CGNL1: variants seen among roughly 807,000 people sequenced by gnomAD.
The protein encoded by CGNL1 is cingulin-like protein 1.
CGNL1 carries 132 observed loss-of-function variants against 141.2 expected under a neutral mutation model. That is an observed-to-expected ratio of 0.93 (90% confidence interval 0.81 to 1.08). The LOEUF is 1.08. Ranked by LOEUF, CGNL1 falls within the 50% of genes least tolerant of loss-of-function variation. CGNL1 has a pLI of 0.00. For synonymous variants in CGNL1, 690 were observed against 622.1 expected, an observed-to-expected ratio of 1.11 and a Z score of -1.63; for missense variants, 1,870 against 1,588.6, an observed-to-expected ratio of 1.18 and a Z score of -3.01.
At chr15:57,523,299 A>G (rs561494358) in intron 10 of CGNL1, among the ~76,000 whole-genome samples, 190 bp from the exon 11 acceptor site, 2 of 152,266 alleles carry the variant, frequency 1.3e-5, no homozygotes, top group East Asian at 1.9e-4. Flanking sequence ...CAACTTTCCT[A>G]TTTGGTCCTT....
intron 8 of CGNL1, among the ~76,000 whole-genome samples, chr15:57,512,664 G>C (rs1325511277): frequency 6.6e-6 from 1 of 152,158 alleles, no homozygotes; most frequent in African/African-American, 2.4e-5. Context: ...ATTCAGTCCA[G>C]GTTCCCTTAT....
At chr15:57,415,050 G>T (rs373455523) in intron 1 of CGNL1, among the ~76,000 whole-genome samples, 1 of 152,326 alleles carries the variant, frequency 6.6e-6, no homozygotes, top group African/African-American at 2.4e-5. Context: ...TGGAACCCAT[G>T]GCAGGAGGCA....
intron 14 of CGNL1, 116 bp from the exon 15 acceptor site, chr15:57,543,579 GT>G (rs1336917217): frequency 1.2e-6 from 1 of 859,236 alleles, no homozygotes; most frequent in Non-Finnish European, 1.9e-6. Flanking sequence ...GAGGGGCTGG[GT>G]AGGGCAACCC....
chr15:57,400,143 A>G (rs1263608342), intron 1 of CGNL1, among the ~76,000 whole-genome samples: 1 of 151,968 alleles, frequency 6.6e-6, no homozygotes, highest in East Asian at 1.9e-4. Flanking sequence ...AGAGATGTGC[A>G]CCATCATGCC....
rs1326213106 is a variant in CGNL1, at chr15:57,468,576, G to C, written c.2403+6684G>C. 4.9e-5 allele frequency among the ~76,000 whole-genome samples: 6 copies of C among 122,416 alleles called. No homozygotes were observed. The Admixed American group carries it at 4.9e-4, about 10-fold the overall frequency. The allele number at this position is 122,416 out of a possible 152,430, so 80.3% of individuals were successfully genotyped here. On this transcript the variant is annotated intron_variant, in intron 8 of 18. Coordinates refer to ENST00000281282, the MANE Select transcript of CGNL1 (RefSeq NM_032866.5). ...AAAGTTTGCGTGTGTGTGTGTGTGT[G>C]TGTGTGTGTGTGTGTTAAAGAATAA...
intron 4 of CGNL1, 48 bp from the exon 5 acceptor site, chr15:57,451,452 A>C: frequency 7.5e-7 from 1 of 1,333,906 alleles, no homozygotes; most frequent in South Asian, 1.2e-5. Flanking sequence ...TAATTAAAAT[A>C]AAGCACCCTG....
intron 1 of CGNL1, among the ~76,000 whole-genome samples, chr15:57,385,925 C>G (rs1440870464): frequency 1.3e-5 from 2 of 152,230 alleles, no homozygotes; most frequent in Non-Finnish European, 2.9e-5. Context: ...GGCTAAGAAA[C>G]CCTGACAAAG....
At chr15:57,389,941 A>G (rs535997867) in intron 1 of CGNL1, among the ~76,000 whole-genome samples, 29 of 152,110 alleles carry the variant, frequency 1.9e-4, no homozygotes, top group African/African-American at 6.7e-4. Context: ...TCAGCCTCCC[A>G]AGGAGCTGGG....
chr15:57,499,134 A>G (rs11071323), intron 8 of CGNL1, among the ~76,000 whole-genome samples: 22,694 of 151,782 alleles, frequency 0.15, 2,130 homozygotes, highest in East Asian at 0.45. Flanking sequence ...GCTGTTGCCC[A>G]GGAAGGAAAC....
intron 8 of CGNL1, among the ~76,000 whole-genome samples, chr15:57,507,256 T>C (rs1277649863): frequency 6.6e-6 from 1 of 152,234 alleles, no homozygotes; most frequent in Non-Finnish European, 1.5e-5. Context: ...TTAGTTGCAG[T>C]GTGTTGTGGT....
chr15:57,518,552 A>G, intron 10 of CGNL1, 55 bp downstream of exon 10: 3 of 1,180,618 alleles, frequency 2.5e-6, no homozygotes, highest in African/African-American at 3.0e-5. Flanking sequence ...ATAGAGACGC[A>G]ACACCAGAGG....
chr15:57,492,257 T>C (rs183637776), intron 8 of CGNL1, among the ~76,000 whole-genome samples: 88 of 152,296 alleles, frequency 5.8e-4, no homozygotes, highest in African/African-American at 1.9e-3. Flanking sequence ...GAGGATCTGA[T>C]CAGTTCATTG....
chr15:57,497,964 G>T (rs1486831657), intron 8 of CGNL1, among the ~76,000 whole-genome samples: 3 of 152,210 alleles, frequency 2.0e-5, no homozygotes, highest in African/African-American at 7.2e-5. Context: ...CAGAGGTGGG[G>T]ATGGTCTAGA....
intron 8 of CGNL1, among the ~76,000 whole-genome samples, chr15:57,516,188 A>T (rs2030782920): frequency 1.3e-5 from 2 of 151,526 alleles, no homozygotes; most frequent in South Asian, 2.1e-4. Context: ...AAAAGAAAGA[A>T]AAAGAGACCC....
chr15:57,459,013 A>T (rs552628199), intron 7 of CGNL1, among the ~76,000 whole-genome samples: 25 of 152,250 alleles, frequency 1.6e-4, no homozygotes, highest in African/African-American at 6.0e-4. Context: ...AATGAAAGAG[A>T]TCTCGTTGTC....
chr15:57,422,771 G>A (rs1340035766), intron 1 of CGNL1, among the ~76,000 whole-genome samples: 2 of 152,164 alleles, frequency 1.3e-5, no homozygotes, highest in Non-Finnish European at 2.9e-5. Context: ...TTAGGTGGAA[G>A]AAAATAAACT....
rs575212763 is a variant in CGNL1, at chr15:57,531,726, G to A, written c.3238G>A (p.Glu1080Lys). Residue 1080 changes from glutamate to lysine, a missense_variant, in exon 14 of 19, where the codon GAG (glutamate) becomes AAG (lysine). By Grantham distance (56) the Glu-to-Lys change is moderately conservative. Coordinates refer to ENST00000281282, the MANE Select transcript of CGNL1 (RefSeq NM_032866.5). ...TCAACTGGAGATGGAACTGGAAGAA[G>A]AGAGAAACAACTCAGATTTGCTGTC... ...VSQLEMELEE[E>K]RNNSDLLSER... is the part of the protein sequence containing the mutation. 1 of 1,613,364 alleles carries A rather than the reference G, an allele frequency of 6.2e-7. No homozygotes were observed. The highest frequency in any genetic ancestry group is 1.1e-5 in the South Asian group (1 of 91,056).
intron 1 of CGNL1, among the ~76,000 whole-genome samples, chr15:57,432,168 C>T (rs1461730981): frequency 6.6e-6 from 1 of 152,192 alleles, no homozygotes; most frequent in East Asian, 1.9e-4. Flanking sequence ...TCCTTGGAGG[C>T]AAGGGCCAGC....
intron 1 of CGNL1, among the ~76,000 whole-genome samples, chr15:57,383,878 A>G (rs949974304): frequency 3.3e-5 from 5 of 151,870 alleles, no homozygotes; most frequent in African/African-American, 1.2e-4. Flanking sequence ...AGCTCAAGCC[A>G]TCCACCCACC....
Sources: gnomAD v4.1 joint callset for allele counts (sites outside exome capture counted in the v4.1 genomes callset) on GRCh38, gnomAD v4.1.1 for gene constraint, MANE v1.5 for transcripts, NCBI Gene and HGNC (gene_info 2026-07-23, HGNC 2026-07-21) for gene names.